L3MBTL4: variants seen among roughly 807,000 people sequenced by gnomAD.
The protein encoded by L3MBTL4 is L3MBTL histone methyl-lysine binding protein 4, also known as lethal(3)malignant brain tumor-like protein 4.
A neutral mutation model predicts 84.5 loss-of-function variants in L3MBTL4; 70 were observed. That is an observed-to-expected ratio of 0.83 (90% confidence interval 0.68 to 1.01). The LOEUF (loss-of-function observed/expected upper bound fraction) is 1.01, where lower values mean the gene tolerates loss of function less well. L3MBTL4 is among the 50% of genes least tolerant of loss of function. The pLI is 0.00. For synonymous variants in L3MBTL4, 274 were observed against 259.8 expected (o/e 1.05, Z -0.52); for missense variants, 715 against 754.8 (o/e 0.95, Z 0.62).
In L3MBTL4 at chr18:6,099,585, A is replaced by AATAT. The variant is rs36091567; in HGVS notation, c.1200-6061_1200-6058dup. 8.7e-3 allele frequency among the ~76,000 whole-genome samples: 564 copies of AATAT among 64,728 alleles called. 180 individuals carry two copies. The East Asian group carries it at 0.23, about 26-fold the overall frequency. 42.5% of individuals were successfully genotyped at this position (64,728 alleles called of 152,430 possible). On this transcript the variant is annotated intron_variant, in intron 14 of 18. Coordinates refer to ENST00000317931, the MANE Select transcript of L3MBTL4 (RefSeq NM_001330559.2). The stretch of plus-strand genomic sequence containing the variant: ...TATCTATAGATAGATAGATAATGTA[A>AATAT]ATATATATATATATATATATATGGA...
chr18:6,376,706 C>T (rs774465791), intron 1 of L3MBTL4, among the ~76,000 whole-genome samples: 2 of 152,138 alleles, frequency 1.3e-5, no homozygotes, highest in Non-Finnish European at 2.9e-5. Flanking sequence ...TCACTGCACT[C>T]CAGCCTGGGT....
At chr18:6,015,894 A>G (rs2054948434) in intron 16 of L3MBTL4, among the ~76,000 whole-genome samples, 1 of 152,216 alleles carries the variant, frequency 6.6e-6, no homozygotes, top group Non-Finnish European at 1.5e-5. Flanking sequence ...CGGGACGCGG[A>G]GGTTGCAGTG....
intron 12 of L3MBTL4, among the ~76,000 whole-genome samples, chr18:6,207,141 T>C (rs1390228943): frequency 6.6e-6 from 1 of 152,218 alleles, no homozygotes; most frequent in Non-Finnish European, 1.5e-5. Context: ...GTATGTGTGA[T>C]GCAAATTTCA....
intron 14 of L3MBTL4, among the ~76,000 whole-genome samples, chr18:6,136,536 C>T (rs1372275823): frequency 1.3e-5 from 2 of 152,148 alleles, no homozygotes; most frequent in African/African-American, 4.8e-5. Flanking sequence ...GGAGAGCAAC[C>T]AATCAGATGT....
chr18:6,004,840 G>T (rs373160029), intron 16 of L3MBTL4, among the ~76,000 whole-genome samples: 2 of 152,024 alleles, frequency 1.3e-5, no homozygotes, highest in Non-Finnish European at 2.9e-5. Flanking sequence ...ACCAGGGCCT[G>T]CAGGGAGCGG....
chr18:6,125,395 TA>T (rs1318568988), intron 14 of L3MBTL4, among the ~76,000 whole-genome samples: 2 of 152,182 alleles, frequency 1.3e-5, no homozygotes, highest in Admixed American at 6.5e-5. Context: ...TCTTTCTTTT[TA>T]AAAAAATAGT....
chr18:6,171,755 A>G (rs906498028), intron 13 of L3MBTL4, 73 bp downstream of exon 13: 2 of 830,736 alleles, frequency 2.4e-6, no homozygotes, highest in African/African-American at 3.4e-5. Flanking sequence ...CTGTAATGGC[A>G]TGAATAAGCA....
chr18:5,994,652 G>A (rs1351328419), intron 16 of L3MBTL4, among the ~76,000 whole-genome samples: 1 of 152,070 alleles, frequency 6.6e-6, no homozygotes, highest in Non-Finnish European at 1.5e-5. Context: ...CTGCTCTCTT[G>A]GAAAGATAGG....
chr18:6,358,535 C>A (rs2053543954), intron 1 of L3MBTL4, among the ~76,000 whole-genome samples: 1 of 152,162 alleles, frequency 6.6e-6, no homozygotes, highest in Admixed American at 6.5e-5. Context: ...AAGGAAGTCA[C>A]CCAAAAAGAA....
At chr18:6,034,748 G>A (rs2056032278) in intron 16 of L3MBTL4, among the ~76,000 whole-genome samples, 1 of 152,122 alleles carries the variant, frequency 6.6e-6, no homozygotes, top group South Asian at 2.1e-4. Flanking sequence ...GGTTGAACTA[G>A]TTTACAGTCC....
intron 4 of L3MBTL4, among the ~76,000 whole-genome samples, chr18:6,293,142 A>G (rs2146721367): frequency 6.6e-6 from 1 of 152,310 alleles, no homozygotes; most frequent in East Asian, 1.9e-4. Context: ...TCTGTAGTTT[A>G]CTCAACTTCA....
intron 1 of L3MBTL4, among the ~76,000 whole-genome samples, chr18:6,373,798 T>A (rs1048197868): frequency 1.3e-5 from 2 of 152,032 alleles, no homozygotes; most frequent in Non-Finnish European, 2.9e-5. Flanking sequence ...AAACCCACTT[T>A]ACCACTTCCA....
chr18:6,351,656 A>G (rs996320456), intron 1 of L3MBTL4, among the ~76,000 whole-genome samples: 2 of 151,540 alleles, frequency 1.3e-5, no homozygotes, highest in Non-Finnish European at 2.9e-5. Flanking sequence ...GGTTCACGCC[A>G]TTCTCCTGCC....
At chr18:6,228,873 A>C (rs2046884554) in intron 10 of L3MBTL4, among the ~76,000 whole-genome samples, 1 of 152,168 alleles carries the variant, frequency 6.6e-6, no homozygotes, top group African/African-American at 2.4e-5. Context: ...GCAACAAAGC[A>C]ATATCTTCAA....
chr18:6,323,716 T>G (rs1463956267), intron 1 of L3MBTL4, among the ~76,000 whole-genome samples: 2 of 152,090 alleles, frequency 1.3e-5, no homozygotes, highest in African/African-American at 4.8e-5. Flanking sequence ...GACCTGAAAT[T>G]GGAAGTTATA....
At chr18:6,061,921 T>G (rs1336412682) in intron 16 of L3MBTL4, among the ~76,000 whole-genome samples, 1 of 151,914 alleles carries the variant, frequency 6.6e-6, no homozygotes, top group Non-Finnish European at 1.5e-5. Context: ...TCTCATCCCT[T>G]ATGTTATTGC....
intron 1 of L3MBTL4, among the ~76,000 whole-genome samples, chr18:6,330,557 C>CTGTTCTGAACATAGTTCTGAAATATT (rs2051979283): frequency 6.6e-6 from 1 of 152,226 alleles, no homozygotes; most frequent in African/African-American, 2.4e-5. Context: ...CATGGGTCCG[C>CTGTTCTGAACATAGTTCTGAAATATT]CTGAATAATC....
chr18:6,104,286 G>A (rs574668500), intron 14 of L3MBTL4, among the ~76,000 whole-genome samples: 1 of 152,124 alleles, frequency 6.6e-6, no homozygotes, highest in South Asian at 2.1e-4. Context: ...TGCATTCATT[G>A]CAGAATTATT....
chr18:6,218,552 TGTGAGA>T (rs1182565903), intron 10 of L3MBTL4, among the ~76,000 whole-genome samples: 1 of 152,174 alleles, frequency 6.6e-6, no homozygotes, highest in African/African-American at 2.4e-5. Flanking sequence ...GGCATGCTAC[TGTGAGA>T]GTCACTATCC....
Sources: gnomAD v4.1 joint callset for allele counts (sites outside exome capture counted in the v4.1 genomes callset) on GRCh38, gnomAD v4.1.1 for gene constraint, MANE v1.5 for transcripts, NCBI Gene and HGNC (gene_info 2026-07-23, HGNC 2026-07-21) for gene names.